MSRA: variants seen among roughly 807,000 people sequenced by gnomAD.
The protein encoded by MSRA is methionine sulfoxide reductase A.
A neutral mutation model predicts 31.3 loss-of-function variants in MSRA; 54 were observed. That is an observed-to-expected ratio of 1.73 (90% confidence interval 1.39 to 2.17). The LOEUF (loss-of-function observed/expected upper bound fraction) is 2.17. Among genes scored for constraint, MSRA ranks in the 30% most tolerant of loss-of-function variants. The probability of loss-of-function intolerance (pLI) is 0.00; values close to 1 mark genes in which losing one functional copy is unlikely to be tolerated. For synonymous variants in MSRA, 169 were observed against 116.5 expected (o/e 1.45, Z -2.90); for missense variants, 507 against 300.9 (o/e 1.69, Z -5.07).
chr8:10,259,132 T>C (rs528445710), intron 3 of MSRA, among the ~76,000 whole-genome samples: 2 of 151,722 alleles, frequency 1.3e-5, no homozygotes, highest in South Asian at 4.2e-4. Flanking sequence ...GGCAGATATA[T>C]ATGTTCATCT....
intron 1 of MSRA, among the ~76,000 whole-genome samples, chr8:10,076,865 G>T (rs1476733219): frequency 6.6e-6 from 1 of 151,988 alleles, no homozygotes; most frequent in African/African-American, 2.4e-5. Context: ...AGCAGAGGAT[G>T]GGGGGCTGGG....
At position 10,136,605 on chromosome 8, in the gene MSRA, ATC is replaced by A. The variant is rs558905224; in HGVS notation, c.143-71224_143-71223del. Among the ~76,000 whole-genome samples, 132 of 152,328 alleles carry A rather than the reference ATC, an allele frequency of 8.7e-4. 1 individual carries two copies. The highest frequency in any genetic ancestry group is 7.6e-3 in the Admixed American group (117 of 15,310). On this transcript the variant is annotated intron_variant, in intron 1 of 5. Coordinates refer to ENST00000317173, the MANE Select transcript of MSRA (RefSeq NM_012331.5). ...AGTGTGGGCCTGTACATTGTAGCAT[ATC>A]TCTTTTGACACAGTGGGAACGAGAG...
At chr8:10,420,566 C>T (rs1056837852) in intron 5 of MSRA, among the ~76,000 whole-genome samples, 2 of 152,130 alleles carry the variant, frequency 1.3e-5, no homozygotes, top group Non-Finnish European at 2.9e-5. Context: ...TCACCTTACA[C>T]AGCTAGGATG....
At chr8:10,388,001 AG>A (rs1806499410) in intron 5 of MSRA, among the ~76,000 whole-genome samples, 3 of 152,144 alleles carry the variant, frequency 2.0e-5, no homozygotes, top group Non-Finnish European at 2.9e-5. Flanking sequence ...AGTACAGGGG[AG>A]GGGAAAAAAA....
chr8:10,316,527 C>CCTCTCTCTCT lies in MSRA; in HGVS notation c.437-3318_437-3309dup, dbSNP rs139421344. On this transcript the variant is annotated intron_variant, in intron 4 of 5. Coordinates refer to ENST00000317173, the MANE Select transcript of MSRA (RefSeq NM_012331.5). Reference sequence around the variant, plus strand: ...AGGATTGTTAGCTACTTTGATGATCCCTCTCTCTCTCTCTCTCTCTCTCTC... The same window carrying CCTCTCTCTCT: ...AGGATTGTTAGCTACTTTGATGATCCCTCTCTCTCTCTCTCTCTCTCTCTCTCTCTCTCTC... Among the ~76,000 whole-genome samples, 309 of 112,590 alleles carry CCTCTCTCTCT rather than the reference C, an allele frequency of 2.7e-3. 17 individuals are homozygous for CCTCTCTCTCT. Among genetic ancestry groups the CCTCTCTCTCT allele is most frequent in the Non-Finnish European group, 3.5e-3 (183 of 51,780 alleles). 73.9% of individuals were successfully genotyped at this position (112,590 alleles called of 152,430 possible).
chr8:10,215,577 T>G (rs1809918266), intron 2 of MSRA, among the ~76,000 whole-genome samples: 1 of 152,102 alleles, frequency 6.6e-6, no homozygotes, highest in South Asian at 2.1e-4. Context: ...GTCCCGTAAC[T>G]CAGGGATTTT....
intron 3 of MSRA, among the ~76,000 whole-genome samples, chr8:10,270,736 A>G (rs949049235): frequency 2.6e-5 from 4 of 152,242 alleles, no homozygotes; most frequent in Non-Finnish European, 4.4e-5. Context: ...AATATTCATC[A>G]TTAGCTCATT....
intron 1 of MSRA, among the ~76,000 whole-genome samples, chr8:10,141,736 T>C (rs1436855186): frequency 6.6e-6 from 1 of 152,144 alleles, no homozygotes; most frequent in Non-Finnish European, 1.5e-5. Context: ...TTTTTTGTTT[T>C]AATTTAGTTT....
intron 3 of MSRA, among the ~76,000 whole-genome samples, chr8:10,281,591 A>G (rs1799626056): frequency 6.6e-6 from 1 of 152,224 alleles, no homozygotes; most frequent in South Asian, 2.1e-4. Flanking sequence ...CGCATATAAC[A>G]CAACTTAGAA....
chr8:10,120,755 C>G (rs1175600260), intron 1 of MSRA, among the ~76,000 whole-genome samples: 2 of 152,306 alleles, frequency 1.3e-5, no homozygotes, highest in African/African-American at 2.4e-5. Flanking sequence ...CCCTTGCAGA[C>G]TCACTGTGTT....
At chr8:10,176,363 G>T (rs986636192) in intron 1 of MSRA, among the ~76,000 whole-genome samples, 2 of 152,190 alleles carry the variant, frequency 1.3e-5, no homozygotes, top group Non-Finnish European at 2.9e-5. Flanking sequence ...GTGAGACGAA[G>T]AAGAATAGGG....
chr8:10,271,889 T>G (rs1799062361), intron 3 of MSRA, among the ~76,000 whole-genome samples: 1 of 152,150 alleles, frequency 6.6e-6, no homozygotes, highest in African/African-American at 2.4e-5. Flanking sequence ...CAGCTAATTT[T>G]GTATTTTTAG....
intron 1 of MSRA, among the ~76,000 whole-genome samples, chr8:10,065,474 A>G (rs946826613): frequency 1.3e-5 from 2 of 152,228 alleles, no homozygotes; most frequent in African/African-American, 4.8e-5. Flanking sequence ...TTTCTGGTGC[A>G]GTTTAGACCT....
rs530127273 is a variant in MSRA, at chr8:10,209,247, A to G, written c.211+1346A>G. ...TATCATGGGACAGCAAATGTCACAT[A>G]TATCAATGTTCAAAGGGGTCTTTTG... On this transcript the variant is annotated intron_variant, in intron 2 of 5. Transcript: ENST00000317173. 6.6e-5 allele frequency among the ~76,000 whole-genome samples: 10 copies of G among 152,360 alleles called. No individual in the cohort carries two copies. In the South Asian group the frequency reaches 2.1e-3, roughly 32 times the overall value.
At chr8:10,404,423 G>C (rs1807668130) in intron 5 of MSRA, among the ~76,000 whole-genome samples, 1 of 152,210 alleles carries the variant, frequency 6.6e-6, no homozygotes, top group South Asian at 2.1e-4. Context: ...CCCTCCGTGG[G>C]GAGGGGCAGG....
intron 2 of MSRA, among the ~76,000 whole-genome samples, chr8:10,216,856 C>T (rs978965449): frequency 6.6e-5 from 10 of 152,158 alleles, no homozygotes; most frequent in Non-Finnish European, 7.3e-5. Flanking sequence ...GATAAGGCTG[C>T]GATGAACCTG....
chr8:10,293,132 C>T (rs1295203733), intron 3 of MSRA, among the ~76,000 whole-genome samples: 1 of 152,166 alleles, frequency 6.6e-6, no homozygotes, highest in Non-Finnish European at 1.5e-5. Flanking sequence ...GGCTGCAATG[C>T]TGACATGAGT....
intron 5 of MSRA, among the ~76,000 whole-genome samples, chr8:10,395,401 G>T (rs1417747942): frequency 6.6e-6 from 1 of 152,158 alleles, no homozygotes; most frequent in Non-Finnish European, 1.5e-5. Flanking sequence ...AAAGAGAGTA[G>T]GGAGTGGAGG....
At chr8:10,376,015 G>C (rs75086673) in intron 5 of MSRA, among the ~76,000 whole-genome samples, 2,583 of 152,256 alleles carry the variant, frequency 0.017, 76 homozygotes, top group African/African-American at 0.059. Context: ...TCCCCGGTCA[G>C]GTTCAGGACT....
Sources: gnomAD v4.1 joint callset for allele counts (sites outside exome capture counted in the v4.1 genomes callset) on GRCh38, gnomAD v4.1.1 for gene constraint, MANE v1.5 for transcripts, NCBI Gene and HGNC (gene_info 2026-07-23, HGNC 2026-07-21) for gene names.